The following PDGFRL variants were observed in gnomAD, a reference collection of about 807,000 sequenced individuals.
The protein encoded by PDGFRL is platelet-derived growth factor receptor-like protein.
A neutral mutation model predicts 37.2 loss-of-function variants in PDGFRL; 46 were observed. The observed-to-expected ratio is 1.24, with a 90% CI of 0.98 to 1.58. The LOEUF is 1.58. Ranked by LOEUF, PDGFRL falls within the 40% of genes most tolerant of loss-of-function variation. The probability of loss-of-function intolerance (pLI) is 0.00; values close to 1 mark genes in which losing one functional copy is unlikely to be tolerated. For synonymous variants in PDGFRL, 251 were observed against 184.3 expected (o/e 1.36, Z -2.93); for missense variants, 692 against 467.6 (o/e 1.48, Z -4.43).
At position 17,589,606 on chromosome 8, in the gene PDGFRL, A is replaced by G; in HGVS notation, c.194A>G (p.Gln65Arg). 9 of 1,614,074 alleles carry G rather than the reference A, an allele frequency of 5.6e-6. No individual in the cohort carries two copies. Among genetic ancestry groups the G allele is most frequent in the Non-Finnish European group, 6.8e-6 (8 of 1,179,940 alleles). ...RDSANSAPKTQSIMMQVLDKG... is the reference protein window; with the variant it reads ...RDSANSAPKTRSIMMQVLDKG... ...TCAGCCAATTCAGCACCAAAGACGCAGTCTATCATGATGCAAGTGCTGGAT... is the reference window on the plus strand; with the variant it reads ...TCAGCCAATTCAGCACCAAAGACGCGGTCTATCATGATGCAAGTGCTGGAT... The change falls in exon 2 of 6, where the codon CAG becomes CGG. Residue 65 changes from glutamine (Q) to arginine (R), a missense_variant. By Grantham distance (43) the Gln-to-Arg change is conservative (BLOSUM62 1). Transcript: ENST00000251630.
At chr8:17,616,702 G>A (rs1425738557) in intron 2 of PDGFRL, among the ~76,000 whole-genome samples, 3 of 152,028 alleles carry the variant, frequency 2.0e-5, no homozygotes, top group South Asian at 2.1e-4. Context: ...TACTCTCCTC[G>A]GAGTTCTCAT....
intron 2 of PDGFRL, among the ~76,000 whole-genome samples, chr8:17,615,904 T>C (rs1169657582): frequency 6.6e-6 from 1 of 152,202 alleles, no homozygotes; most frequent in African/African-American, 2.4e-5. Context: ...AGCGAGACCC[T>C]ATCTCTAAAC....
At chr8:17,597,503 A>G (rs1020183274) in intron 2 of PDGFRL, among the ~76,000 whole-genome samples, 7 of 152,100 alleles carry the variant, frequency 4.6e-5, no homozygotes, top group African/African-American at 1.7e-4. Flanking sequence ...AATGAACTTT[A>G]GAGCTCTAGG....
chr8:17,638,268 A>G (rs1253380605), intron 5 of PDGFRL, among the ~76,000 whole-genome samples: 1 of 152,148 alleles, frequency 6.6e-6, no homozygotes, highest in African/African-American at 2.4e-5. Context: ...AGTTCAAATA[A>G]TTTTTTAACT....
chr8:17,630,873 G>C (rs1415103108), intron 4 of PDGFRL, among the ~76,000 whole-genome samples: 1 of 152,076 alleles, frequency 6.6e-6, no homozygotes, highest in East Asian at 1.9e-4. Flanking sequence ...CCTTCTCCTG[G>C]ACCCTCAGCT....
intron 1 of PDGFRL, among the ~76,000 whole-genome samples, chr8:17,588,797 GCAAAGTAAA>G (rs1803871892): frequency 6.6e-6 from 1 of 152,170 alleles, no homozygotes; most frequent in Non-Finnish European, 1.5e-5. Flanking sequence ...CATATAGACT[GCAAAGTAAA>G]CAAACAGCCT....
At chr8:17,581,862 C>T (rs2517274) in intron 1 of PDGFRL, among the ~76,000 whole-genome samples, 96,318 of 151,976 alleles carry the variant, frequency 0.63, 30,947 homozygotes, top group Middle Eastern at 0.77. Flanking sequence ...TATAGCAATG[C>T]GAAATGAACT....
chr8:17,576,866 AC>A (rs1428087046), upstream of PDGFRL: 3 of 250,076 alleles, frequency 1.2e-5, no homozygotes, highest in Admixed American at 1.6e-4. Flanking sequence ...GGCGCTGGTA[AC>A]ATTTGGACAA....
intron 2 of PDGFRL, among the ~76,000 whole-genome samples, chr8:17,618,761 T>C (rs961230337): frequency 6.6e-6 from 1 of 152,204 alleles, no homozygotes; most frequent in African/African-American, 2.4e-5. Context: ...TGCACAGATT[T>C]GTTGCTTAGA....
intron 2 of PDGFRL, among the ~76,000 whole-genome samples, chr8:17,599,351 T>A (rs2299572): frequency 6.6e-6 from 1 of 152,060 alleles, no homozygotes; most frequent in East Asian, 1.9e-4. Context: ...TACGCCTTTG[T>A]GTCCTCACAG....
At chr8:17,599,697 C>T (rs1330949301) in intron 2 of PDGFRL, among the ~76,000 whole-genome samples, 1 of 152,184 alleles carries the variant, frequency 6.6e-6, no homozygotes, top group Non-Finnish European at 1.5e-5. Flanking sequence ...CACTTTTTCT[C>T]TCTTCTTAAA....
chr8:17,601,445 C>T (rs1804163529), intron 2 of PDGFRL, among the ~76,000 whole-genome samples: 1 of 144,044 alleles, frequency 6.9e-6, no homozygotes, highest in Non-Finnish European at 1.5e-5. Context: ...TAACTTATAC[C>T]CCCGTTTTTG....
intron 2 of PDGFRL, among the ~76,000 whole-genome samples, chr8:17,610,552 G>C (rs980607140): frequency 1.3e-5 from 2 of 152,172 alleles, no homozygotes; most frequent in Admixed American, 6.5e-5. Flanking sequence ...TCAACCTGTA[G>C]TGTGAGTAAC....
chr8:17,590,232 ATCTC>A (rs1803906388), intron 2 of PDGFRL, among the ~76,000 whole-genome samples: 1 of 113,166 alleles, frequency 8.8e-6, no homozygotes, highest in Non-Finnish European at 1.8e-5. Flanking sequence ...GCGAGACTCC[ATCTC>A]AAAAAAAAAA....
chr8:17,641,414 C>G (rs942522916), intron 5 of PDGFRL, among the ~76,000 whole-genome samples: 17 of 152,194 alleles, frequency 1.1e-4, no homozygotes, highest in African/African-American at 3.9e-4. Context: ...CTCTGTGAGA[C>G]AAAGTCAGAA....
chr8:17,584,825 G>A (rs61696445), intron 1 of PDGFRL, among the ~76,000 whole-genome samples: 7,309 of 151,888 alleles, frequency 0.048, 256 homozygotes, highest in Middle Eastern at 0.14. Context: ...GAAAGAATTC[G>A]GAGTGAGTCC....
chr8:17,641,046 G>T (rs1805081662), intron 5 of PDGFRL, among the ~76,000 whole-genome samples: 1 of 152,052 alleles, frequency 6.6e-6, no homozygotes, highest in South Asian at 2.1e-4. Context: ...GGTCACCAGG[G>T]AAGTGGGGGA....
intron 2 of PDGFRL, among the ~76,000 whole-genome samples, chr8:17,602,266 C>A (rs894472692): frequency 6.6e-6 from 1 of 152,108 alleles, no homozygotes; most frequent in African/African-American, 2.4e-5. Flanking sequence ...CACTTTTTGA[C>A]AGATAAGGGA....
At chr8:17,637,755 T>C (rs1223327280) in intron 5 of PDGFRL, among the ~76,000 whole-genome samples, 1 of 152,188 alleles carries the variant, frequency 6.6e-6, no homozygotes, top group African/African-American at 2.4e-5. Flanking sequence ...TGCTTGTTAT[T>C]GGTCTGTTCA....
Sources: allele counts gnomAD v4.1 joint callset (sites outside exome capture counted in the v4.1 genomes callset), GRCh38; gene constraint gnomAD v4.1.1; transcripts MANE v1.5; gene names NCBI Gene and HGNC (gene_info 2026-07-23, HGNC 2026-07-21).